CEP350: variants seen among roughly 807,000 people sequenced by gnomAD.
CEP350 encodes centrosomal protein 350.
CEP350 carries 126 observed loss-of-function variants against 331.8 expected under a neutral mutation model. The observed-to-expected ratio is 0.38, with a 90% CI of 0.33 to 0.44. The LOEUF is 0.44. CEP350 is among the 20% of genes least tolerant of loss of function. The pLI is 1.00. For synonymous variants in CEP350, 1,200 were observed against 1,259.5 expected (o/e 0.95, Z 1.00); for missense variants, 3,406 against 3,634.6 (o/e 0.94, Z 1.62).
intron 30 of CEP350, among the ~76,000 whole-genome samples, chr1:180,082,607 G>A (rs187597216): frequency 6.6e-6 from 1 of 151,994 alleles, no homozygotes; most frequent in Non-Finnish European, 1.5e-5. Context: ...GAACCAGTGC[G>A]CCCGGACTGC....
At chr1:179,982,455 A>C in intron 1 of CEP350, among the ~76,000 whole-genome samples, 1 of 152,148 alleles carries the variant, frequency 6.6e-6, no homozygotes, top group South Asian at 2.1e-4. Context: ...ATATTTAGTA[A>C]TTTATATTAA....
chr1:179,976,536 C>T (rs1651881311), intron 1 of CEP350, among the ~76,000 whole-genome samples: 1 of 151,868 alleles, frequency 6.6e-6, no homozygotes. Context: ...AAATATATGT[C>T]CCAGCTACTT....
intron 18 of CEP350, among the ~76,000 whole-genome samples, 158 bp from the exon 19 acceptor site, chr1:180,041,504 T>G (rs1451750251): frequency 5.9e-5 from 9 of 152,228 alleles, no homozygotes; most frequent in Admixed American, 5.9e-4. Context: ...TACAGTAACT[T>G]GTGAACAGTA....
At chr1:180,041,052 T>C (rs1210915846) in intron 17 of CEP350, 86 bp from the exon 18 acceptor site, 1 of 958,584 alleles carries the variant, frequency 1.0e-6, no homozygotes, top group Admixed American at 2.7e-5. Context: ...ATGATTTGTA[T>C]TAGTAAGATA....
At chr1:179,977,136 C>T (rs952896275) in intron 1 of CEP350, among the ~76,000 whole-genome samples, 6 of 152,124 alleles carry the variant, frequency 3.9e-5, no homozygotes, top group Admixed American at 1.3e-4. Flanking sequence ...GAGTCGCTTC[C>T]TTAGGCCTTA....
chr1:179,963,826 A>T (rs765326976), intron 1 of CEP350, among the ~76,000 whole-genome samples: 2 of 152,004 alleles, frequency 1.3e-5, no homozygotes, highest in African/African-American at 4.8e-5. Context: ...TTTTGGTTCC[A>T]TATGAATTTT....
At chr1:179,956,264 T>C (rs12139412) in intron 1 of CEP350, among the ~76,000 whole-genome samples, 18,203 of 152,222 alleles carry the variant, frequency 0.12, 1,171 homozygotes, top group South Asian at 0.17. Context: ...TCATTTGAAC[T>C]GTCAGTGCAT....
chr1:180,020,907 A>G lies in CEP350; in HGVS notation c.3133A>G (p.Ile1045Val), dbSNP rs758779894. Reference sequence around the variant, plus strand: ...AAAATTCTTGCCACTTTTTGGGCACATAGGTGGTACACAAAGCAAAGGACC... The same window carrying G: ...AAAATTCTTGCCACTTTTTGGGCACGTAGGTGGTACACAAAGCAAAGGACC... ...AEKFLPLFGH[I>V]GGTQSKGPWE... Residue 1045 changes from isoleucine (I) to valine (V), a missense_variant, in exon 12 of 38, where the codon ATA (isoleucine) becomes GTA (valine). Physicochemically the swap from Ile to Val is conservative, Grantham distance 29. This residue lies in a region of CEP350 where 1,857 missense variants were observed against 1,909.2 expected (regional missense o/e 0.97). Transcript: ENST00000367607. 4 of 1,613,124 alleles carry G rather than the reference A, an allele frequency of 2.5e-6. No homozygotes were observed. Among genetic ancestry groups the G allele is most frequent in the Admixed American group, 1.7e-5 (1 of 59,966 alleles).
intron 8 of CEP350, among the ~76,000 whole-genome samples, chr1:180,010,151 C>T (rs1654530581): frequency 6.6e-6 from 1 of 152,012 alleles, no homozygotes; most frequent in Non-Finnish European, 1.5e-5. Context: ...CATCTTTTCA[C>T]AGGAACATTT....
chr1:179,994,455 TC>T lies in CEP350; in HGVS notation c.396-2097del, dbSNP rs1213980515. Among the ~76,000 whole-genome samples, 6 of 144,766 alleles carry T rather than the reference TC, an allele frequency of 4.1e-5. No homozygotes were observed. The East Asian group carries it at 7.8e-4, about 19-fold the overall frequency. 95.0% of individuals were successfully genotyped at this position (144,766 alleles called of 152,430 possible). A position where few individuals can be genotyped will look rare whatever the true frequency, so the allele number is the denominator to read the frequency against. On this transcript the variant is annotated intron_variant, in intron 5 of 37. Coordinates refer to ENST00000367607, the MANE Select transcript of CEP350 (RefSeq NM_014810.5). ...TTTTTTCTTTTCTTTTTTCTTTCTT[TC>T]TTTTTTTTTTTTTTTGAGACAGTGT...
At chr1:180,026,333 G>A (rs565055788) in intron 14 of CEP350, among the ~76,000 whole-genome samples, 8 of 151,888 alleles carry the variant, frequency 5.3e-5, no homozygotes, top group African/African-American at 1.7e-4. Context: ...TTGCAGAGAC[G>A]AGGGCCTCAC....
chr1:179,979,040 A>G (rs1475076343), intron 1 of CEP350, among the ~76,000 whole-genome samples: 1 of 152,134 alleles, frequency 6.6e-6, no homozygotes, highest in Admixed American at 6.5e-5. Flanking sequence ...GGAAGTGCAG[A>G]TATCTCTTCA....
intron 17 of CEP350, among the ~76,000 whole-genome samples, chr1:180,037,417 T>G (rs1217561453): frequency 2.0e-5 from 3 of 151,688 alleles, no homozygotes; most frequent in African/African-American, 4.8e-5. Flanking sequence ...GAGGGTTTTT[T>G]TTTTTTTTTT....
At chr1:180,039,320 G>A (rs1399408812) in intron 17 of CEP350, among the ~76,000 whole-genome samples, 3 of 151,130 alleles carry the variant, frequency 2.0e-5, no homozygotes, top group Admixed American at 1.3e-4. Flanking sequence ...AGAGGGATAG[G>A]AGGGAACGGA....
intron 1 of CEP350, among the ~76,000 whole-genome samples, chr1:179,982,003 A>C (rs906458891): frequency 6.6e-6 from 1 of 152,170 alleles, no homozygotes; most frequent in African/African-American, 2.4e-5. Flanking sequence ...TTGTCTCTTA[A>C]AAAAGCCTCA....
intron 1 of CEP350, among the ~76,000 whole-genome samples, chr1:179,958,911 G>A (rs192552972): frequency 6.0e-4 from 91 of 152,246 alleles, no homozygotes; most frequent in African/African-American, 2.1e-3. Flanking sequence ...ATAGAAAAAG[G>A]TCTATAAGGA....
intron 6 of CEP350, among the ~76,000 whole-genome samples, chr1:179,999,457 C>T (rs1379064749): frequency 6.6e-6 from 1 of 151,808 alleles, no homozygotes. Flanking sequence ...ATATGGCTTC[C>T]GATGTCCTAA....
chr1:180,055,546 C>CTTTTTTTTTT (rs71118430), intron 25 of CEP350, among the ~76,000 whole-genome samples: 1 of 87,452 alleles, frequency 1.1e-5, no homozygotes. Context: ...TGAATTCCAT[C>CTTTTTTTTTT]TTTTTTTTTT....
Position 180,093,049 on chromosome 1 carries a change from T to G in CEP350, c.6944T>G (p.Val2315Gly). 1 of 1,606,202 alleles carries G rather than the reference T, an allele frequency of 6.2e-7. No homozygotes were observed. Among genetic ancestry groups the G allele is most frequent in the East Asian group, 2.2e-5 (1 of 44,826 alleles). ...LDSENVQKDLVGLAIENLHKS... is the reference protein window; with the variant it reads ...LDSENVQKDLGGLAIENLHKS... ...TCTGAAAATGTTCAGAAAGACCTAG[T>G]TGGATTAGCTATTGAAAATCTCCAT... Residue 2315 changes from valine (V) to glycine (G), a missense_variant, in exon 34 of 38, where the codon GTT becomes GGT. By Grantham distance (109) the Val-to-Gly change is moderately radical. Transcript: ENST00000367607.
Sources: allele counts gnomAD v4.1 joint callset (sites outside exome capture counted in the v4.1 genomes callset), GRCh38; gene constraint gnomAD v4.1.1; regional missense constraint gnomAD v4.1.1; transcripts MANE v1.5; gene names NCBI Gene and HGNC (gene_info 2026-07-23, HGNC 2026-07-21).